The following IP6K2 variants were observed in gnomAD, a reference collection of about 807,000 sequenced individuals.
The protein encoded by IP6K2 is inositol hexakisphosphate kinase 2.
IP6K2 carries 9 observed loss-of-function variants against 43.3 expected under a neutral mutation model. That is an observed-to-expected ratio of 0.21 (90% CI 0.13 to 0.36). The LOEUF is 0.36. Ranked by LOEUF, IP6K2 falls within the 10% of genes least tolerant of loss-of-function variation. The pLI, the probability that IP6K2 is intolerant of heterozygous loss-of-function variation, is 1.00. For missense variants in IP6K2, 332 were observed against 538.4 expected (o/e 0.62, Z 3.79); for synonymous variants, 209 against 202.4 (o/e 1.03, Z -0.28).
At chr3:48,708,975 G>C (rs563141601) in intron 1 of IP6K2, among the ~76,000 whole-genome samples, 1 of 152,302 alleles carries the variant, frequency 6.6e-6, no homozygotes, top group South Asian at 2.1e-4. Context: ...GGCAGAGGTG[G>C]AGGGATCACT....
At chr3:48,710,435 A>G (rs1378052699) in intron 1 of IP6K2, among the ~76,000 whole-genome samples, 1 of 152,160 alleles carries the variant, frequency 6.6e-6, no homozygotes, top group Non-Finnish European at 1.5e-5. Context: ...CCAGCAGTGA[A>G]GGTCAACAAG....
intron 1 of IP6K2, among the ~76,000 whole-genome samples, chr3:48,714,552 C>T (rs1380814350): frequency 6.6e-6 from 1 of 152,194 alleles, no homozygotes; most frequent in East Asian, 1.9e-4. Context: ...GCCACAGAGG[C>T]TGGCTAGTTT....
intron 1 of IP6K2, among the ~76,000 whole-genome samples, chr3:48,702,280 A>G (rs1275837887): frequency 6.6e-6 from 1 of 152,062 alleles, no homozygotes; most frequent in East Asian, 1.9e-4. Context: ...TCAACATCAA[A>G]TGTGGCCCAA....
chr3:48,716,493 C>T (rs1204380576), intron 1 of IP6K2: 2 of 152,052 alleles, frequency 1.3e-5, no homozygotes, highest in Non-Finnish European at 1.5e-5. Flanking sequence ...ATGAAATAAG[C>T]CATTAGGATG....
intron 2 of IP6K2, chr3:48,693,864 CAT>C (rs376837586): frequency 2.0e-5 from 24 of 1,183,826 alleles, no homozygotes; most frequent in African/African-American, 1.3e-4. Flanking sequence ...GGAGCACAGA[CAT>C]GTGGTGGCCT....
chr3:48,691,236 A>G, intron 4 of IP6K2, 71 bp downstream of exon 4: 5 of 1,307,242 alleles, frequency 3.8e-6, no homozygotes, highest in Non-Finnish European at 4.3e-6. Flanking sequence ...TCTCTCTCCA[A>G]GCTCCAAGGG....
At chr3:48,701,501 A>C (rs1295862507) in intron 1 of IP6K2, among the ~76,000 whole-genome samples, 5 of 119,684 alleles carry the variant, frequency 4.2e-5, no homozygotes, top group Admixed American at 2.4e-4. Context: ...CAGGAGGTGG[A>C]GGCTACAGTG....
rs763923285 is a variant in IP6K2, at chr3:48,691,485, A to T, written c.429-3T>A. 1 of 1,601,252 alleles carries T rather than the reference A, an allele frequency of 6.2e-7. No individual in the cohort carries two copies. The highest frequency in any genetic ancestry group is 1.1e-5 in the South Asian group (1 of 90,170). On this transcript the variant is annotated splice_region_variant and splice_polypyrimidine_tract_variant and intron_variant, in intron 3 of 5. Coordinates refer to ENST00000328631, the MANE Select transcript of IP6K2 (RefSeq NM_016291.4). ...CAAATTCTTCTTCTAACTTATGGCT[A>T]TAAAGAGATAAGGACCAATAAATCA...
At chr3:48,701,567 CAAAAAAAAAAAAAAA>C (rs67509214) in intron 1 of IP6K2, among the ~76,000 whole-genome samples, 4 of 47,450 alleles carry the variant, frequency 8.4e-5, no homozygotes, top group South Asian at 1.6e-3. Context: ...GACTCCGTCT[CAAAAAAAAAAAAAAA>C]AAAAAAAAAA....
chr3:48,715,184 ACTTT>A, intron 1 of IP6K2: 2 of 953,166 alleles, frequency 2.1e-6, no homozygotes, highest in Non-Finnish European at 3.2e-6. Flanking sequence ...TCATCTGCTT[ACTTT>A]CTAATGTATA....
intron 5 of IP6K2, among the ~76,000 whole-genome samples, chr3:48,689,279 A>G (rs1231034001): frequency 6.6e-6 from 1 of 152,164 alleles, no homozygotes. Flanking sequence ...CAGCCTCCCA[A>G]GTAGCTGGTA....
chr3:48,693,996 A>AG, intron 2 of IP6K2: 3 of 1,392,526 alleles, frequency 2.2e-6, no homozygotes, highest in Admixed American at 3.5e-5. Context: ...CTTACAAACG[A>AG]CTGGCTGAAC....
intron 1 of IP6K2, among the ~76,000 whole-genome samples, chr3:48,700,812 T>C (rs1244782538): frequency 6.6e-6 from 1 of 152,080 alleles, no homozygotes; most frequent in East Asian, 1.9e-4. Flanking sequence ...GGTCAGGCAG[T>C]CACAGAGGGG....
At position 48,695,193 on chromosome 3, in the gene IP6K2, G is replaced by C. The variant is rs1433549866; in HGVS notation, c.99C>G (p.Leu33=). The change falls in exon 2 of 6, where the codon CTC becomes CTG. Residue 33 remains leucine, a synonymous_variant. Coordinates refer to ENST00000328631, the MANE Select transcript of IP6K2 (RefSeq NM_016291.4). The surrounding 1 kb of genome is among the most constrained non-coding windows in gnomAD (Gnocchi z 4.6). ...TGCACAGGGTTGTCTCATTGAAGCG[G>C]AGCACGCATGAGTGCCCCCCGACCT... ...VHQVGGHSCV[L]RFNETTLCKP... 5 of 1,587,498 alleles carry C rather than the reference G, an allele frequency of 3.1e-6. No individual in the cohort carries two copies. The highest frequency in any genetic ancestry group is 1.1e-5 in the South Asian group (1 of 88,574).
chr3:48,715,281 C>A (rs776573675), intron 1 of IP6K2: 126 of 1,535,858 alleles, frequency 8.2e-5, no homozygotes, highest in Non-Finnish European at 1.0e-4. Flanking sequence ...CCCAGTGCAT[C>A]CTCTTTATGA....
intron 3 of IP6K2, among the ~76,000 whole-genome samples, chr3:48,691,858 T>C (rs2077824039): frequency 1.3e-5 from 2 of 152,140 alleles, no homozygotes; most frequent in Admixed American, 1.3e-4. Context: ...CTTTCTTTTT[T>C]TTCTTTTTTT....
intron 1 of IP6K2, among the ~76,000 whole-genome samples, chr3:48,698,134 T>C (rs775708972): frequency 6.6e-6 from 1 of 152,170 alleles, no homozygotes; most frequent in African/African-American, 2.4e-5. Flanking sequence ...CCAGGCTCTA[T>C]CCAGAAGATG....
At chr3:48,693,834 A>AG in intron 2 of IP6K2, 1 of 1,127,196 alleles carries the variant, frequency 8.9e-7, no homozygotes, top group Admixed American at 4.4e-5. Context: ...AATGAACACA[A>AG]GGCAGATAGA....
intron 1 of IP6K2, chr3:48,711,338 C>T (rs2080492387): frequency 1.3e-5 from 2 of 152,206 alleles, no homozygotes; most frequent in South Asian, 4.1e-4. Context: ...CTCTGGCCTT[C>T]CCAGTGTAAA....
Sources: allele counts gnomAD v4.1 joint callset (sites outside exome capture counted in the v4.1 genomes callset), GRCh38; gene constraint gnomAD v4.1.1; non-coding constraint Gnocchi (gnomAD v3.1); transcripts MANE v1.5; gene names NCBI Gene and HGNC (gene_info 2026-07-23, HGNC 2026-07-21).